AGAP1: variants seen among roughly 807,000 people sequenced by gnomAD.
AGAP1 encodes arf-GAP with GTPase, ANK repeat and PH domain-containing protein 1.
In AGAP1, 29 loss-of-function variants were observed where a neutral mutation model predicts 105.3. The ratio of observed to expected loss-of-function variants is 0.28; its 90% CI spans 0.21 to 0.38. The LOEUF (loss-of-function observed/expected upper bound fraction) is 0.38. AGAP1 is among the 10% of genes least tolerant of loss of function. AGAP1 has a pLI of 1.00. For synonymous variants in AGAP1, 509 were observed against 485.9 expected (o/e 1.05, Z -0.63); for missense variants, 998 against 1,165.1 (o/e 0.86, Z 2.09).
intron 1 of AGAP1, among the ~76,000 whole-genome samples, chr2:235,605,017 C>CGATT (rs1945880188): frequency 6.6e-6 from 1 of 151,882 alleles, no homozygotes; most frequent in South Asian, 2.1e-4. Context: ...AGTAGCTGGC[C>CGATT]ACAGGCGTGC....
At chr2:235,592,098 C>T (rs529220483) in intron 1 of AGAP1, among the ~76,000 whole-genome samples, 11 of 152,318 alleles carry the variant, frequency 7.2e-5, no homozygotes, top group East Asian at 5.8e-4. Flanking sequence ...ATTGAAGTGG[C>T]GCTGGTTCCC....
rs138652964 is a variant in AGAP1, at chr2:236,062,321, G to A, written c.2114+13040G>A. ...CTCCCTGAGCCTGTGAATGCAGGAC[G>A]GGCCAGAACCCACCCCAGATCTGAC... is the stretch of plus-strand genomic sequence containing the variant. On this transcript the variant is annotated intron_variant, in intron 16 of 17. Coordinates refer to ENST00000304032, the MANE Select transcript of AGAP1 (RefSeq NM_001037131.3). The surrounding 1 kb of genome is among the most constrained non-coding windows in gnomAD (Gnocchi z 4.2). 0.014 allele frequency among the ~76,000 whole-genome samples: 2,188 copies of A among 152,166 alleles called. 20 individuals are homozygous for A. Among genetic ancestry groups the A allele is most frequent in the Middle Eastern group, 0.027 (8 of 294 alleles).
intron 13 of AGAP1, among the ~76,000 whole-genome samples, chr2:236,024,922 C>T (rs1169616780): frequency 6.6e-6 from 1 of 152,198 alleles, no homozygotes; most frequent in African/African-American, 2.4e-5. Context: ...TGTTTAAATC[C>T]CTGTGAGCCC....
At chr2:235,645,607 G>A (rs903000665) in intron 1 of AGAP1, among the ~76,000 whole-genome samples, 4 of 151,992 alleles carry the variant, frequency 2.6e-5, no homozygotes, top group African/African-American at 7.3e-5. Flanking sequence ...AGGGGTTTAC[G>A]CCCCAGGCCT....
At chr2:235,814,546 CG>C (rs1383258656) in intron 9 of AGAP1, among the ~76,000 whole-genome samples, 1 of 152,192 alleles carries the variant, frequency 6.6e-6, no homozygotes, top group Non-Finnish European at 1.5e-5. Flanking sequence ...TCCTCTGCTA[CG>C]GCTGGAGGAG....
In AGAP1 at chr2:235,960,775, G is replaced by A. The variant is rs2054147650; in HGVS notation, c.1484-7687G>A. Among the ~76,000 whole-genome samples the A allele has an allele frequency of 6.6e-6, 1 of 152,160 alleles. No individual in the cohort carries two copies. The highest frequency in any genetic ancestry group is 2.1e-4 in the South Asian group (1 of 4,818). ...GCTCCTAGGGCACGCTTGGTGCGTG[G>A]GGACACTCAACAGGGAGATGCTTTC... On this transcript the variant is annotated intron_variant, in intron 12 of 17. Coordinates refer to ENST00000304032, the MANE Select transcript of AGAP1 (RefSeq NM_001037131.3). The surrounding 1 kb of genome is among the most constrained non-coding windows in gnomAD (Gnocchi z 4.9).
chr2:235,649,773 G>A (rs535147536), intron 1 of AGAP1, among the ~76,000 whole-genome samples: 1 of 152,310 alleles, frequency 6.6e-6, no homozygotes. Flanking sequence ...TCACGGTAAC[G>A]ATACTGTAAT....
At chr2:235,542,613 G>A (rs906351280) in intron 1 of AGAP1, among the ~76,000 whole-genome samples, 16 of 151,044 alleles carry the variant, frequency 1.1e-4, no homozygotes, top group African/African-American at 3.0e-4. Flanking sequence ...TTAACAAAAT[G>A]ATACATATTT....
Position 235,981,980 on chromosome 2 carries a change from T to G in AGAP1, c.1645+13357T>G, listed in dbSNP as rs2055119461. ...TAAAATAAGGGGTTTTATTATGGGT[T>G]ATCTGAAGAGTGTTTCTTAATTTTA... On this transcript the variant is annotated intron_variant, in intron 13 of 17. Coordinates refer to ENST00000304032, the MANE Select transcript of AGAP1 (RefSeq NM_001037131.3). This position sits in a 1 kb window ranked among gnomAD's most constrained non-coding sequence, Gnocchi z 5.5. Among the ~76,000 whole-genome samples the G allele has an allele frequency of 6.6e-6, 1 of 152,220 alleles. No individual in the cohort carries two copies. The highest frequency in any genetic ancestry group is 1.5e-5 in the Non-Finnish European group (1 of 68,038).
At chr2:235,894,124 A>G (rs2050683046) in intron 10 of AGAP1, among the ~76,000 whole-genome samples, 1 of 152,234 alleles carries the variant, frequency 6.6e-6, no homozygotes, top group Non-Finnish European at 1.5e-5. Flanking sequence ...GAACTATGGC[A>G]ACAAACCAAC....
intron 8 of AGAP1, among the ~76,000 whole-genome samples, chr2:235,803,969 G>A (rs916599445): frequency 1.3e-5 from 2 of 152,182 alleles, no homozygotes; most frequent in South Asian, 2.1e-4. Context: ...TAGTTTACAC[G>A]TGGTTAAAGT....
At chr2:235,543,411 C>T (rs1943518215) in intron 1 of AGAP1, among the ~76,000 whole-genome samples, 1 of 152,210 alleles carries the variant, frequency 6.6e-6, no homozygotes, top group African/African-American at 2.4e-5. Flanking sequence ...GGCTGATGGG[C>T]TGTGTCCCCG....
rs1234660216 is a variant in AGAP1 at position 235,725,882 on chromosome 2, C to T, written c.310+8238C>T. On this transcript the variant is annotated intron_variant, in intron 3 of 17. Coordinates refer to ENST00000304032, the MANE Select transcript of AGAP1 (RefSeq NM_001037131.3). This position sits in a 1 kb window ranked among gnomAD's most constrained non-coding sequence, Gnocchi z 5.7. ...ATTGTCTAAAAATAGGTAAAGGATG[C>T]TAACATTATTATTAGATGTTCAAAA... is the stretch of plus-strand genomic sequence containing the variant. 3.3e-5 allele frequency among the ~76,000 whole-genome samples: 5 copies of T among 151,950 alleles called. No individual in the cohort carries two copies. The highest frequency in any genetic ancestry group is 1.3e-4 in the Admixed American group (2 of 15,256).
In AGAP1 at chr2:235,893,570, G is replaced by A. The variant is rs2050657109; in HGVS notation, c.1155+10121G>A. Among the ~76,000 whole-genome samples, 1 of 152,074 alleles carries A rather than the reference G, an allele frequency of 6.6e-6. No homozygotes were observed. The highest frequency in any genetic ancestry group is 2.4e-5 in the African/African-American group (1 of 41,396). ...CGGGTGTGCCGTGTCCATCATGAGG[G>A]TGCGCCGTGTCCGTCATGCAGATGT... On this transcript the variant is annotated intron_variant, in intron 10 of 17. Coordinates refer to ENST00000304032, the MANE Select transcript of AGAP1 (RefSeq NM_001037131.3). The surrounding 1 kb of genome is among the most constrained non-coding windows in gnomAD (Gnocchi z 4.7).
rs1366089316 is a variant in AGAP1 at position 235,967,692 on chromosome 2, G to A, written c.1484-770G>A. ...CACCTGTTTTTCCTGCACGTTTTCA[G>A]TGGGCTTTTTTCCACCCGGCTTGAA... is the stretch of plus-strand genomic sequence containing the variant. On this transcript the variant is annotated intron_variant, in intron 12 of 17. Coordinates refer to ENST00000304032, the MANE Select transcript of AGAP1 (RefSeq NM_001037131.3). The surrounding 1 kb of genome is among the most constrained non-coding windows in gnomAD (Gnocchi z 4.7). 6.6e-6 allele frequency among the ~76,000 whole-genome samples: 1 copy of A among 152,210 alleles called. No individual in the cohort carries two copies. The highest frequency in any genetic ancestry group is 1.5e-5 in the Non-Finnish European group (1 of 68,034).
intron 3 of AGAP1, among the ~76,000 whole-genome samples, chr2:235,718,048 A>G (rs1393754402): frequency 6.6e-6 from 1 of 152,184 alleles, no homozygotes; most frequent in East Asian, 1.9e-4. Flanking sequence ...TTCCGGGATA[A>G]GACGTTCAGA....
Position 236,055,549 on chromosome 2 carries a change from G to A in AGAP1, c.2114+6268G>A, listed in dbSNP as rs542861017. ...CAAAGTGAATTTCTGTCACCGCGGC[G>A]TGCTTGTCAGTGGGCCTGCCCTGGC... On this transcript the variant is annotated intron_variant, in intron 16 of 17. Coordinates refer to ENST00000304032, the MANE Select transcript of AGAP1 (RefSeq NM_001037131.3). This position sits in a 1 kb window ranked among gnomAD's most constrained non-coding sequence, Gnocchi z 6.2. Among the ~76,000 whole-genome samples the A allele has an allele frequency of 6.6e-5, 10 of 152,228 alleles. No individual in the cohort carries two copies. The highest frequency in any genetic ancestry group is 5.8e-4 in the East Asian group (3 of 5,200).
At position 235,740,904 on chromosome 2, in the gene AGAP1, G is replaced by A; in HGVS notation, c.311-59G>A. ...TTTTCCACAAGCGAAGCCCACGTCT[G>A]TCTGCCCTCCTCACTCTCTGTTGTT... On this transcript the variant is annotated intron_variant, in intron 3 of 17. Transcript: ENST00000304032. The surrounding 1 kb of genome is among the most constrained non-coding windows in gnomAD (Gnocchi z 5.7). The A allele has an allele frequency of 6.2e-7, 1 of 1,608,268 alleles. No individual in the cohort carries two copies. Among genetic ancestry groups the A allele is most frequent in the Admixed American group, 1.7e-5 (1 of 59,964 alleles).
At chr2:235,649,693 C>T (rs1474304966) in intron 1 of AGAP1, among the ~76,000 whole-genome samples, 3 of 152,162 alleles carry the variant, frequency 2.0e-5, no homozygotes, top group Non-Finnish European at 4.4e-5. Flanking sequence ...TTTCTAGCGC[C>T]TCCCAGGTGG....
Sources: gnomAD v4.1 joint callset for allele counts (sites outside exome capture counted in the v4.1 genomes callset) on GRCh38, gnomAD v4.1.1 for gene constraint, Gnocchi (gnomAD v3.1) non-coding constraint, MANE v1.5 for transcripts, NCBI Gene and HGNC (gene_info 2026-07-23, HGNC 2026-07-21) for gene names.